Variants in TRIM24 observed in about 807,000 individuals in gnomAD.
TRIM24 encodes the protein transcription intermediary factor 1-alpha.
Under a neutral mutation model 123.9 loss-of-function variants are expected in TRIM24, and 29 were observed. The observed-to-expected ratio is 0.23, with a 90% CI of 0.17 to 0.32. TRIM24 has a LOEUF of 0.32. Among genes scored for constraint, TRIM24 ranks in the 10% least tolerant of loss-of-function variants. TRIM24 has a pLI of 1.00. For synonymous variants in TRIM24, 456 were observed against 461.1 expected (o/e 0.99, Z 0.14); for missense variants, 932 against 1,295.3 (o/e 0.72, Z 4.31).
chr7:138,515,470 T>C (rs1796375861), intron 3 of TRIM24, 111 bp downstream of exon 3: 107 of 1,250,676 alleles, frequency 8.6e-5, no homozygotes, highest in Non-Finnish European at 1.1e-4. Flanking sequence ...AAATATACTG[T>C]TTTAAGTAAA....
Position 138,460,514 on chromosome 7 carries a change from G to T in TRIM24, c.-35G>T. On this transcript the variant is annotated 5_prime_UTR_variant, in exon 1 of 19. Transcript: ENST00000343526. ...GTCGGGGGCGGCGGGCGGAGACCGCGCTCTCGCTTCCCCGGCGGCGGCAAG... is the reference window on the plus strand; with the variant it reads ...GTCGGGGGCGGCGGGCGGAGACCGCTCTCTCGCTTCCCCGGCGGCGGCAAG... 1 of 1,261,448 alleles carries T rather than the reference G, an allele frequency of 7.9e-7. No homozygotes were observed. Among genetic ancestry groups the T allele is most frequent in the Non-Finnish European group, 9.9e-7 (1 of 1,008,070 alleles). 78.1% of individuals were successfully genotyped at this position (1,261,448 alleles called of 1,614,324 possible). A position where few individuals can be genotyped will look rare whatever the true frequency, so the allele number is the denominator to read the frequency against.
rs1437501227 is a variant in TRIM24 at position 138,514,566 on chromosome 7, C to T, written c.484-646C>T. 5 of 152,178 alleles carry T rather than the reference C, an allele frequency of 3.3e-5. 1 individual carries two copies. Among genetic ancestry groups the T allele is most frequent in the Admixed American group, 2.0e-4 (3 of 15,276 alleles). The allele number at this position is 152,178 out of a possible 1,614,324, so 9.4% of individuals were successfully genotyped here. A position where few individuals can be genotyped will look rare whatever the true frequency, so the allele number is the denominator to read the frequency against. The stretch of plus-strand genomic sequence containing the variant: ...CTTTTTGTACATGCTGTTCTCTCTT[C>T]CTAGAAGTAAAAGCCTTCACTGGGT... On this transcript the variant is annotated intron_variant, in intron 2 of 18. Coordinates refer to ENST00000343526, the MANE Select transcript of TRIM24 (RefSeq NM_015905.3).
intron 6 of TRIM24, among the ~76,000 whole-genome samples, chr7:138,530,640 T>C (rs1399841673): frequency 6.6e-6 from 1 of 151,860 alleles, no homozygotes; most frequent in East Asian, 1.9e-4. Context: ...CTAATATTTT[T>C]TTTTTTTTAA....
chr7:138,499,723 A>G (rs1795994404), intron 1 of TRIM24, among the ~76,000 whole-genome samples: 1 of 152,076 alleles, frequency 6.6e-6, no homozygotes, highest in Non-Finnish European at 1.5e-5. Flanking sequence ...GGGGCAGGGC[A>G]GGGAACTGGC....
chr7:138,463,053 T>G lies in TRIM24; in HGVS notation c.364+2141T>G, dbSNP rs10237864. 2.7e-3 allele frequency among the ~76,000 whole-genome samples: 352 copies of G among 129,118 alleles called. 4 individuals carry two copies. Among genetic ancestry groups the G allele is most frequent in the African/African-American group, 1.0e-2 (338 of 33,920 alleles). 84.7% of individuals were successfully genotyped at this position (129,118 alleles called of 152,430 possible). On this transcript the variant is annotated intron_variant, in intron 1 of 18. Transcript: ENST00000343526. ...TCCGGCTAATTTTGTGTTTTTTTTT[T>G]TTTTTTTTTTTTTTTTGGTAGAGGC...
At chr7:138,546,063 C>T (rs1003308788) in intron 7 of TRIM24, among the ~76,000 whole-genome samples, 4 of 152,108 alleles carry the variant, frequency 2.6e-5, no homozygotes, top group African/African-American at 9.7e-5. Context: ...TGTAAATATG[C>T]TGGGTAGAGG....
intron 11 of TRIM24, among the ~76,000 whole-genome samples, chr7:138,571,545 A>G (rs1175067631): frequency 1.3e-5 from 2 of 152,198 alleles, no homozygotes; most frequent in Admixed American, 1.3e-4. Context: ...AAAAGTAAGG[A>G]CATGGAAAGA....
At chr7:138,482,611 G>A (rs1795554595) in intron 1 of TRIM24, among the ~76,000 whole-genome samples, 1 of 152,180 alleles carries the variant, frequency 6.6e-6, no homozygotes, top group African/African-American at 2.4e-5. Flanking sequence ...GACTCGTTAA[G>A]TATAATTATT....
chr7:138,499,325 A>G (rs1214780696), intron 1 of TRIM24, among the ~76,000 whole-genome samples: 2 of 152,166 alleles, frequency 1.3e-5, no homozygotes, highest in Non-Finnish European at 2.9e-5. Context: ...TTAGCCCACT[A>G]TATCTTGGGC....
intron 10 of TRIM24, among the ~76,000 whole-genome samples, chr7:138,569,512 A>G (rs946971837): frequency 2.2e-4 from 33 of 152,214 alleles, no homozygotes; most frequent in African/African-American, 7.5e-4. Flanking sequence ...GTGAGGTGTT[A>G]TCTCATTTGT....
rs936917486 is a variant in TRIM24 at position 138,585,579 on chromosome 7, G to A, written c.*628G>A. ...TGGCAACTGTATTAAAGAAAAATCCGGAAAACAAATGTTTGATTTTTGTTT... is the reference window on the plus strand; with the variant it reads ...TGGCAACTGTATTAAAGAAAAATCCAGAAAACAAATGTTTGATTTTTGTTT... On this transcript the variant is annotated 3_prime_UTR_variant, in exon 19 of 19. Coordinates refer to ENST00000343526, the MANE Select transcript of TRIM24 (RefSeq NM_015905.3). The A allele has an allele frequency of 9.3e-6, 3 of 322,486 alleles. No individual in the cohort carries two copies. The highest frequency in any genetic ancestry group is 5.5e-5 in the South Asian group (2 of 36,156). 20.0% of individuals were successfully genotyped at this position (322,486 alleles called of 1,614,324 possible). A position where few individuals can be genotyped will look rare whatever the true frequency, so the allele number is the denominator to read the frequency against.
chr7:138,510,376 AT>A (rs1456980534), intron 2 of TRIM24, among the ~76,000 whole-genome samples: 1 of 152,166 alleles, frequency 6.6e-6, no homozygotes, highest in Non-Finnish European at 1.5e-5. Context: ...CACTGGAGAT[AT>A]TCAATCAAAT....
In TRIM24 at chr7:138,554,563, T is replaced by A; in HGVS notation, c.1262-135T>A. 1.2e-6 allele frequency: 1 copy of A among 810,526 alleles called. No individual in the cohort carries two copies. The highest frequency in any genetic ancestry group is 1.9e-6 in the Non-Finnish European group (1 of 525,448). The allele number at this position is 810,526 out of a possible 1,614,324, so 50.2% of individuals were successfully genotyped here. A position where few individuals can be genotyped will look rare whatever the true frequency, so the allele number is the denominator to read the frequency against. On this transcript the variant is annotated intron_variant, in intron 8 of 18. Transcript: ENST00000343526. The surrounding 1 kb of genome is among the most constrained non-coding windows in gnomAD (Gnocchi z 4.5). ...ACAAAAGCTGTTTGGGGGTTCTCTT[T>A]CAGAGTGTTAAAGGGCTCATGAGAT...
chr7:138,566,491 AAAACAAAC>A (rs746897853), intron 9 of TRIM24, among the ~76,000 whole-genome samples: 1 of 152,058 alleles, frequency 6.6e-6, no homozygotes, highest in Non-Finnish European at 1.5e-5. Flanking sequence ...TCCATCTCAA[AAAACAAAC>A]AAACAAACAA....
rs11350419 is a variant in TRIM24, at chr7:138,482,425, T to TA, written c.364+21521dup. On this transcript the variant is annotated intron_variant, in intron 1 of 18. Coordinates refer to ENST00000343526, the MANE Select transcript of TRIM24 (RefSeq NM_015905.3). The stretch of plus-strand genomic sequence containing the variant: ...GGCTATTGGGATTATGAGAAATTGA[T>TA]AAAAAAAATCACTTTGGGGAGAATA... Among the ~76,000 whole-genome samples the TA allele has an allele frequency of 4.4e-3, 677 of 152,196 alleles. 3 individuals are homozygous for TA. Among genetic ancestry groups the TA allele is most frequent in the Middle Eastern group, 0.017 (5 of 294 alleles).
At chr7:138,480,790 CT>C (rs1795509241) in intron 1 of TRIM24, among the ~76,000 whole-genome samples, 1 of 152,008 alleles carries the variant, frequency 6.6e-6, no homozygotes, top group African/African-American at 2.4e-5. Context: ...TATTATCAAT[CT>C]TTTTATTTTT....
chr7:138,479,372 T>TTTCTTC (rs566570769), intron 1 of TRIM24, among the ~76,000 whole-genome samples: 192 of 152,054 alleles, frequency 1.3e-3, no homozygotes, highest in Middle Eastern at 3.4e-3. Context: ...ACCTTTTTTT[T>TTTCTTC]TTCTTCTTCT....
At chr7:138,583,477 G>A (rs1797946585) in intron 17 of TRIM24, among the ~76,000 whole-genome samples, 1 of 152,048 alleles carries the variant, frequency 6.6e-6, no homozygotes, top group African/African-American at 2.4e-5. Context: ...AAAATTAGCC[G>A]GCTATGTTAG....
At chr7:138,508,692 TGCGCGCGCGTGTGTGC>T (rs1796208384) in intron 2 of TRIM24, among the ~76,000 whole-genome samples, 3 of 137,212 alleles carry the variant, frequency 2.2e-5, no homozygotes, top group African/African-American at 2.8e-5. Flanking sequence ...TGTGTGTGTG[TGCGCGCGCGTGTGTGC>T]GTGTGTGTGT....
Sources: gnomAD v4.1 joint callset for allele counts (sites outside exome capture counted in the v4.1 genomes callset) on GRCh38, gnomAD v4.1.1 for gene constraint, Gnocchi (gnomAD v3.1) non-coding constraint, MANE v1.5 for transcripts, NCBI Gene and HGNC (gene_info 2026-07-23, HGNC 2026-07-21) for gene names.